CARMIL1: variants seen among roughly 807,000 people sequenced by gnomAD.
CARMIL1 encodes the protein capping protein regulator and myosin 1 linker 1, also known as F-actin-uncapping protein LRRC16A.
In CARMIL1, 90 loss-of-function variants were observed where a neutral mutation model predicts 177.1. The ratio of observed to expected loss-of-function variants is 0.51; its 90% CI spans 0.43 to 0.61. The LOEUF is 0.61. Ranked by LOEUF, CARMIL1 falls within the 20% of genes least tolerant of loss-of-function variation. The pLI is 0.00. For synonymous variants in CARMIL1, 577 were observed against 606.2 expected (o/e 0.95, Z 0.71); for missense variants, 1,380 against 1,667.0 (o/e 0.83, Z 3.00).
chr6:25,612,957 A>G, intron 36 of CARMIL1: 1 of 899,452 alleles, frequency 1.1e-6, no homozygotes, highest in Non-Finnish European at 1.3e-6. Flanking sequence ...AACAAACTGT[A>G]ATTGAGTGAA....
At chr6:25,400,111 T>G (rs1390661296) in intron 2 of CARMIL1, among the ~76,000 whole-genome samples, 2 of 152,218 alleles carry the variant, frequency 1.3e-5, no homozygotes, top group African/African-American at 4.8e-5. Flanking sequence ...ATTGTCTGAC[T>G]CATAGAATCC....
rs1313061554 is a variant in CARMIL1 at position 25,390,308 on chromosome 6, ATATATATATATATTTTT to A, written c.139-29804_139-29788del. Among the ~76,000 whole-genome samples the A allele has an allele frequency of 9.7e-4, 47 of 48,510 alleles. 1 individual carries two copies. The highest frequency in any genetic ancestry group is 2.5e-3 in the African/African-American group (46 of 18,076). 31.8% of individuals were successfully genotyped at this position (48,510 alleles called of 152,430 possible). A position where few individuals can be genotyped will look rare whatever the true frequency, so the allele number is the denominator to read the frequency against. The stretch of plus-strand genomic sequence containing the variant: ...TATATATTTACATATATATATATAT[ATATATATATATATTTTT>A]TTTTTTTTTTTTTTGAGACAGGGTC... On this transcript the variant is annotated intron_variant, in intron 2 of 36. Transcript: ENST00000329474.
rs1785164841 is a variant in CARMIL1 at position 25,326,943 on chromosome 6, G to T, written c.138+42034G>T. 1.3e-5 allele frequency among the ~76,000 whole-genome samples: 2 copies of T among 152,034 alleles called. No homozygotes were observed. Among genetic ancestry groups the T allele is most frequent in the Non-Finnish European group, 2.9e-5 (2 of 68,034 alleles). On this transcript the variant is annotated intron_variant, in intron 2 of 36. Coordinates refer to ENST00000329474, the MANE Select transcript of CARMIL1 (RefSeq NM_017640.6). This position sits in a 1 kb window ranked among gnomAD's most constrained non-coding sequence, Gnocchi z 4.2. ...TATTGTGATGAGGGAGACTGGTGGG[G>T]GTAGCAAAAGGACATAACTTTTGAA...
intron 29 of CARMIL1, among the ~76,000 whole-genome samples, chr6:25,570,577 T>G (rs927989431): frequency 2.0e-5 from 3 of 152,212 alleles, no homozygotes; most frequent in Non-Finnish European, 4.4e-5. Context: ...ATAAATATTT[T>G]GTATCAAAAA....
chr6:25,319,017 T>C (rs763269608), intron 2 of CARMIL1, among the ~76,000 whole-genome samples: 2 of 152,220 alleles, frequency 1.3e-5, no homozygotes, highest in Non-Finnish European at 2.9e-5. Flanking sequence ...TGAGCTCTTA[T>C]TAGCTGTTTA....
intron 16 of CARMIL1, among the ~76,000 whole-genome samples, chr6:25,496,429 G>A (rs13192826): frequency 0.12 from 16,118 of 138,982 alleles, 1,071 homozygotes; most frequent in Admixed American, 0.14. Flanking sequence ...AGTGAGCTGA[G>A]ATTGCACCAC....
intron 2 of CARMIL1, among the ~76,000 whole-genome samples, chr6:25,306,884 T>TC (rs1317482324): frequency 2.7e-5 from 4 of 148,862 alleles, no homozygotes; most frequent in Non-Finnish European, 5.9e-5. Flanking sequence ...CTTGGCTTTT[T>TC]TTTTTTTTTT....
At chr6:25,463,627 T>C (rs1313459201) in intron 8 of CARMIL1, among the ~76,000 whole-genome samples, 1 of 152,200 alleles carries the variant, frequency 6.6e-6, no homozygotes, top group Non-Finnish European at 1.5e-5. Context: ...AATGTTGAAA[T>C]ATACAAGAGA....
At chr6:25,513,814 A>G (rs1416196462) in intron 20 of CARMIL1, among the ~76,000 whole-genome samples, 1 of 152,132 alleles carries the variant, frequency 6.6e-6, no homozygotes, top group Admixed American at 6.6e-5. Context: ...TGCTTCTATC[A>G]CTACTTCCTG....
chr6:25,427,261 T>C (rs1206318107), intron 4 of CARMIL1, among the ~76,000 whole-genome samples: 1 of 152,204 alleles, frequency 6.6e-6, no homozygotes. Context: ...GGTGGTTTGC[T>C]GCACCTATCC....
intron 29 of CARMIL1, among the ~76,000 whole-genome samples, chr6:25,561,817 A>G (rs914178939): frequency 6.6e-6 from 1 of 152,194 alleles, no homozygotes; most frequent in African/African-American, 2.4e-5. Flanking sequence ...TGTTCAAATC[A>G]TAATTGTTAA....
chr6:25,326,933 G>T lies in CARMIL1; in HGVS notation c.138+42024G>T, dbSNP rs9393639. ...GGACCTTGTTTATTGTGATGAGGGA[G>T]ACTGGTGGGGGTAGCAAAAGGACAT... On this transcript the variant is annotated intron_variant, in intron 2 of 36. Transcript: ENST00000329474. This position sits in a 1 kb window ranked among gnomAD's most constrained non-coding sequence, Gnocchi z 4.2. 0.27 allele frequency among the ~76,000 whole-genome samples: 41,785 copies of T among 151,968 alleles called. 6,184 individuals carry two copies. Among genetic ancestry groups the T allele is most frequent in the East Asian group, 0.4 (2,089 of 5,170 alleles).
chr6:25,528,144 G>A (rs900677065), intron 23 of CARMIL1, among the ~76,000 whole-genome samples: 1 of 151,962 alleles, frequency 6.6e-6, no homozygotes, highest in Admixed American at 6.6e-5. Flanking sequence ...TTTCATAGTA[G>A]ATAATCTATG....
At chr6:25,328,339 G>A (rs2690110) in intron 2 of CARMIL1, among the ~76,000 whole-genome samples, 109,141 of 152,028 alleles carry the variant, frequency 0.72, 39,969 homozygotes, top group African/African-American at 0.88. Flanking sequence ...CATGGAACAG[G>A]AAGACTCTGT....
chr6:25,586,916 C>T (rs1406795577), intron 31 of CARMIL1, among the ~76,000 whole-genome samples: 15 of 151,816 alleles, frequency 9.9e-5, no homozygotes, highest in African/African-American at 3.4e-4. Flanking sequence ...ACAGTCCAGC[C>T]TCGGCTCGGC....
At chr6:25,380,326 C>T (rs975070207) in intron 2 of CARMIL1, among the ~76,000 whole-genome samples, 9 of 152,044 alleles carry the variant, frequency 5.9e-5, no homozygotes, top group African/African-American at 9.7e-5. Flanking sequence ...GCTTGCAGGC[C>T]GATTCTCTGT....
chr6:25,393,255 T>C (rs1243923733), intron 2 of CARMIL1, among the ~76,000 whole-genome samples: 3 of 152,078 alleles, frequency 2.0e-5, no homozygotes, highest in Non-Finnish European at 4.4e-5. Context: ...TAGGTGAGAT[T>C]TCTATAAAGA....
chr6:25,392,456 A>G (rs1367724645), intron 2 of CARMIL1, among the ~76,000 whole-genome samples: 1 of 152,186 alleles, frequency 6.6e-6, no homozygotes, highest in African/African-American at 2.4e-5. Flanking sequence ...AGCCTTGCCA[A>G]TATTTGAAGT....
intron 16 of CARMIL1, 129 bp downstream of exon 16, chr6:25,495,344 G>A: frequency 1.8e-6 from 1 of 555,422 alleles, no homozygotes; most frequent in Non-Finnish European, 3.1e-6. Flanking sequence ...TTTTTACTCT[G>A]GGGCAGAAAA....
Sources: gnomAD v4.1 joint callset for allele counts (sites outside exome capture counted in the v4.1 genomes callset) on GRCh38, gnomAD v4.1.1 for gene constraint, Gnocchi (gnomAD v3.1) non-coding constraint, MANE v1.5 for transcripts, NCBI Gene and HGNC (gene_info 2026-07-23, HGNC 2026-07-21) for gene names.